HEMK2: variants seen among roughly 807,000 people sequenced by gnomAD.
HEMK2 encodes the protein methyltransferase HEMK2.
the HEMK2 span, among the ~76,000 whole-genome samples, chr21:28,730,296 G>C: frequency 6.6e-6 from 1 of 151,456 alleles, no homozygotes. Flanking sequence ...TAGCAGGATC[G>C]CTTGAGCCTG....
At chr21:28,749,278 C>T in the HEMK2 span, among the ~76,000 whole-genome samples, 1 of 152,104 alleles carries the variant, frequency 6.6e-6, no homozygotes, top group Non-Finnish European at 1.5e-5. Context: ...CTTTATAATC[C>T]TAATAGCACA....
chr21:28,701,546 CCACACACACACATACACACACACA>C, the HEMK2 span, among the ~76,000 whole-genome samples: 114 of 119,956 alleles, frequency 9.5e-4, no homozygotes, highest in African/African-American at 3.8e-3. Context: ...TTCACAATAG[CCACACACACACATACACACACACA>C]CACACACACA....
chr21:28,712,199 C>G, the HEMK2 span, among the ~76,000 whole-genome samples: 1 of 152,162 alleles, frequency 6.6e-6, no homozygotes, highest in Admixed American at 6.6e-5. Context: ...CCTGGTTGCC[C>G]ACCACCATGA....
chr21:28,681,788 C>T, the HEMK2 span, among the ~76,000 whole-genome samples: 6 of 151,918 alleles, frequency 3.9e-5, no homozygotes, highest in African/African-American at 1.5e-4. Context: ...CTGACAAAAA[C>T]AAGCAATGGG....
At chr21:28,831,444 C>A in the HEMK2 span, among the ~76,000 whole-genome samples, 2 of 43,234 alleles carry the variant, frequency 4.6e-5, no homozygotes, top group Non-Finnish European at 4.1e-5. Flanking sequence ...GACTCTATCT[C>A]AAAAAGAAAG....
the HEMK2 span, among the ~76,000 whole-genome samples, chr21:28,751,722 C>T: frequency 0.19 from 29,489 of 152,176 alleles, 3,573 homozygotes; most frequent in African/African-American, 0.34. Context: ...TCTTGTTGTC[C>T]AAGCTGGAGT....
At chr21:28,670,062 G>A in the HEMK2 span, among the ~76,000 whole-genome samples, 72 of 152,136 alleles carry the variant, frequency 4.7e-4, no homozygotes, top group African/African-American at 1.7e-3. Context: ...GAGAAAATAG[G>A]AATATTTAGG....
the HEMK2 span, among the ~76,000 whole-genome samples, chr21:28,674,022 G>A: frequency 1.3e-5 from 2 of 152,264 alleles, no homozygotes; most frequent in African/African-American, 4.8e-5. Flanking sequence ...GTCACAGGAT[G>A]AGATACGAAG....
the HEMK2 span, among the ~76,000 whole-genome samples, chr21:28,879,360 A>G: frequency 6.6e-6 from 1 of 152,156 alleles, no homozygotes; most frequent in Admixed American, 6.5e-5. Context: ...CTCCTGCCTC[A>G]GTCTCCAAAT....
the HEMK2 span, among the ~76,000 whole-genome samples, chr21:28,722,300 GAT>G: frequency 6.6e-6 from 1 of 152,124 alleles, no homozygotes; most frequent in Non-Finnish European, 1.5e-5. Flanking sequence ...AATGAGAAGA[GAT>G]AGCATACAGT....
At chr21:28,703,766 G>GT in the HEMK2 span, among the ~76,000 whole-genome samples, 1 of 152,122 alleles carries the variant, frequency 6.6e-6, no homozygotes, top group Non-Finnish European at 1.5e-5. Context: ...AAAGAACATT[G>GT]TTTTTATAGA....
the HEMK2 span, among the ~76,000 whole-genome samples, chr21:28,804,833 C>T: frequency 6.6e-6 from 1 of 152,332 alleles, no homozygotes; most frequent in South Asian, 2.1e-4. Flanking sequence ...GGAAGAAAAG[C>T]AGCATTCATT....
At chr21:28,707,658 T>C in the HEMK2 span, among the ~76,000 whole-genome samples, 1 of 152,176 alleles carries the variant, frequency 6.6e-6, no homozygotes, top group African/African-American at 2.4e-5. Flanking sequence ...TTAGTTAAAA[T>C]GCTCTTCTCA....
chr21:28,671,123 C>A, the HEMK2 span: 1 of 152,200 alleles, frequency 6.6e-6, no homozygotes, highest in Non-Finnish European at 1.5e-5. Flanking sequence ...GGGGCAAGAG[C>A]CTTCACGGGA....
At chr21:28,790,349 T>C in the HEMK2 span, among the ~76,000 whole-genome samples, 1 of 152,318 alleles carries the variant, frequency 6.6e-6, no homozygotes, top group South Asian at 2.1e-4. Context: ...TTAATTGTTG[T>C]TAATGGTTTT....
chr21:28,877,468 AAGAAG>A, the HEMK2 span, among the ~76,000 whole-genome samples: 87 of 151,626 alleles, frequency 5.7e-4, no homozygotes, highest in African/African-American at 2.0e-3. Flanking sequence ...GAAGGAAAAA[AAGAAG>A]AGAAGAGAAA....
At chr21:28,735,769 T>C in the HEMK2 span, among the ~76,000 whole-genome samples, 1 of 152,232 alleles carries the variant, frequency 6.6e-6, no homozygotes, top group Non-Finnish European at 1.5e-5. Flanking sequence ...ATAACCTCCC[T>C]ATCTTATGCT....
chr21:28,868,422 C>A, the HEMK2 span, among the ~76,000 whole-genome samples: 1 of 152,164 alleles, frequency 6.6e-6, no homozygotes, highest in Admixed American at 6.5e-5. Flanking sequence ...TGGCTCATGC[C>A]TGTAATCTCA....
the HEMK2 span, among the ~76,000 whole-genome samples, chr21:28,652,255 C>T: frequency 6.6e-6 from 1 of 152,270 alleles, no homozygotes; most frequent in East Asian, 1.9e-4. Context: ...TAGGCATTCA[C>T]TCTCCCCTCT....
Sources: allele counts gnomAD v4.1 joint callset (sites outside exome capture counted in the v4.1 genomes callset), GRCh38; gene constraint gnomAD v4.1.1; transcripts MANE v1.5; gene names NCBI Gene and HGNC (gene_info 2026-07-23, HGNC 2026-07-21).